The following R3HDM4 variants were observed in gnomAD, a reference collection of about 807,000 sequenced individuals.
R3HDM4 encodes R3H domain-containing protein 4.
R3HDM4 carries 30 observed loss-of-function variants against 31.3 expected under a neutral mutation model. That is an observed-to-expected ratio of 0.96 (90% CI 0.72 to 1.30). The LOEUF (loss-of-function observed/expected upper bound fraction) is 1.30. R3HDM4 is among the 50% of genes most tolerant of loss of function. The probability of loss-of-function intolerance (pLI) is 0.00; values close to 1 mark genes in which losing one functional copy is unlikely to be tolerated. For missense variants in R3HDM4, 444 were observed against 366.1 expected (o/e 1.21, Z -1.74); for synonymous variants, 196 against 156.6 (o/e 1.25, Z -1.88).
rs776329473 is a variant in R3HDM4, at chr19:900,066, G to A, written c.556C>T (p.Pro186Ser). ...CCCGGCAATCCCCCACTCACCATGG[G>A]GATGCGGCTGCGCTTGAGGACGGCT... ...LRAVLKRSRI[P>S]METLETWEER... Residue 186 changes from proline to serine, a missense_variant, in exon 5 of 8, where the codon CCC becomes TCC. Pro to Ser is a moderately conservative substitution (Grantham distance 74). Transcript: ENST00000361574. The A allele has an allele frequency of 6.2e-7, 1 of 1,611,872 alleles. No individual in the cohort carries two copies. The highest frequency in any genetic ancestry group is 1.1e-5 in the South Asian group (1 of 91,040).
chr19:911,485 ATAATTAG>A (rs1053736863), intron 1 of R3HDM4, among the ~76,000 whole-genome samples: 143 of 152,352 alleles, frequency 9.4e-4, no homozygotes, highest in African/African-American at 3.2e-3. Flanking sequence ...AACATTAACG[ATAATTAG>A]TAATGAGACA....
chr19:901,159 G>C, intron 3 of R3HDM4: 2 of 687,104 alleles, frequency 2.9e-6, no homozygotes, highest in South Asian at 2.0e-5. Flanking sequence ...CTCGGGGTGG[G>C]GGGGATTGAG....
In R3HDM4 at chr19:901,563, G is replaced by A. The variant is rs2036837730; in HGVS notation, c.227-17C>T. 6.3e-7 allele frequency: 1 copy of A among 1,593,632 alleles called. No individual in the cohort carries two copies. The highest frequency in any genetic ancestry group is 1.1e-5 in the South Asian group (1 of 90,624). ...GGTACTGGGCTAGGTGGAAACAGAT[G>A]CTCTCTGGGCCGGGGTGGCATTTGG... is the stretch of plus-strand genomic sequence containing the variant. On this transcript the variant is annotated splice_polypyrimidine_tract_variant and intron_variant, in intron 2 of 7. Coordinates refer to ENST00000361574, the MANE Select transcript of R3HDM4 (RefSeq NM_138774.4).
chr19:901,902 C>T (rs1568340723), intron 2 of R3HDM4, 74 bp downstream of exon 2: 13 of 1,565,114 alleles, frequency 8.3e-6, no homozygotes, highest in African/African-American at 1.4e-5. Context: ...GGAGGGGTAA[C>T]AGATAACACC....
intron 1 of R3HDM4, among the ~76,000 whole-genome samples, chr19:910,403 G>C (rs1043192198): frequency 7.9e-5 from 12 of 152,006 alleles, no homozygotes; most frequent in Non-Finnish European, 1.6e-4. Context: ...AGGATCGCCT[G>C]AGCCCGCAGG....
intron 1 of R3HDM4, among the ~76,000 whole-genome samples, chr19:908,843 T>C (rs552045868): frequency 6.6e-6 from 1 of 151,416 alleles, no homozygotes; most frequent in East Asian, 2.0e-4. Flanking sequence ...ACTTCTTTGC[T>C]CCTTAATCAC....
At chr19:898,229 AATAT>A (rs1555720572) in intron 7 of R3HDM4, among the ~76,000 whole-genome samples, 19 of 140,638 alleles carry the variant, frequency 1.4e-4, no homozygotes, top group Middle Eastern at 3.7e-3. Context: ...TAAAAAAAAA[AATAT>A]ATATATATAT....
chr19:900,781 C>T (rs750476318), intron 4 of R3HDM4, 48 bp downstream of exon 4: 3 of 1,121,630 alleles, frequency 2.7e-6, no homozygotes, highest in Non-Finnish European at 3.7e-6. Context: ...GGCCACGCCC[C>T]CATCCATACC....
At chr19:909,922 C>G (rs1280061015) in intron 1 of R3HDM4, among the ~76,000 whole-genome samples, 1 of 152,062 alleles carries the variant, frequency 6.6e-6, no homozygotes, top group Non-Finnish European at 1.5e-5. Context: ...CAGTGGCTCA[C>G]GCCTGTAATC....
chr19:901,982 C>T lies in R3HDM4; in HGVS notation c.220G>A (p.Glu74Lys), dbSNP rs756442813. 6.2e-7 allele frequency: 1 copy of T among 1,613,696 alleles called. No homozygotes were observed. The highest frequency in any genetic ancestry group is 8.5e-7 in the Non-Finnish European group (1 of 1,180,010). The change falls in exon 2 of 8, where the codon GAG becomes AAG. Residue 74 changes from glutamate to lysine, a missense_variant. Glu to Lys is a moderately conservative substitution (Grantham distance 56). Coordinates refer to ENST00000361574, the MANE Select transcript of R3HDM4 (RefSeq NM_138774.4). ...AKGRKSLQRL[E>K]NTQYLLTLLE... ...CCTCCCGACCCCTGCTCACTGTTCT[C>T]CAGGCGCTGGAGGCTCTTCCGCCCC...
chr19:897,570 G>GCA (rs1568338632), intron 7 of R3HDM4, 30 bp from the exon 8 acceptor site: 2 of 1,565,984 alleles, frequency 1.3e-6, no homozygotes, highest in Admixed American at 1.8e-5. Flanking sequence ...GGCAAGAACG[G>GCA]GAGGAATTTG....
At chr19:900,517 C>A (rs1006017764) in intron 4 of R3HDM4, among the ~76,000 whole-genome samples, 1 of 151,550 alleles carries the variant, frequency 6.6e-6, no homozygotes, top group Non-Finnish European at 1.5e-5. Context: ...CCTACCTACC[C>A]CATCCTGGCC....
rs961875884 is a variant in R3HDM4, at chr19:897,120, C to G, written c.*317G>C. The G allele has an allele frequency of 9.4e-6, 3 of 318,872 alleles. No homozygotes were observed. Among genetic ancestry groups the G allele is most frequent in the Non-Finnish European group, 1.7e-5 (3 of 174,968 alleles). The allele number at this position is 318,872 out of a possible 1,614,324, so 19.8% of individuals were successfully genotyped here. ...AAAAGTGATAAAAACCCAGCCTCCC[C>G]CTCCTCACTTGAGCTTCAGACCGGG... On this transcript the variant is annotated 3_prime_UTR_variant, in exon 8 of 8. Coordinates refer to ENST00000361574, the MANE Select transcript of R3HDM4 (RefSeq NM_138774.4).
At chr19:912,415 G>C (rs1438773809) in intron 1 of R3HDM4, among the ~76,000 whole-genome samples, 1 of 127,496 alleles carries the variant, frequency 7.8e-6, no homozygotes, top group South Asian at 2.8e-4. Context: ...AGAGAGTAGG[G>C]GCACGGACCA....
chr19:901,369 G>C, intron 3 of R3HDM4, 53 bp downstream of exon 3: 1 of 1,568,058 alleles, frequency 6.4e-7, no homozygotes, highest in Non-Finnish European at 8.6e-7. Context: ...CCTGGCCGTA[G>C]GAGAACTGCC....
rs940347713 is a variant in R3HDM4, at chr19:899,908, C to T, written c.561+153G>A. Reference sequence around the variant, plus strand: ...CTGCAGTGCCCGCCTTCGTTGCCCCCGCCCTCCTACTCAGGGCCCTGGTGC... The same window carrying T: ...CTGCAGTGCCCGCCTTCGTTGCCCCTGCCCTCCTACTCAGGGCCCTGGTGC... On this transcript the variant is annotated intron_variant, in intron 5 of 7. Transcript: ENST00000361574. The surrounding 1 kb of genome is among the most constrained non-coding windows in gnomAD (Gnocchi z 6.8). Among the ~76,000 whole-genome samples, 4 of 152,162 alleles carry T rather than the reference C, an allele frequency of 2.6e-5. No individual in the cohort carries two copies. The highest frequency in any genetic ancestry group is 5.9e-5 in the Non-Finnish European group (4 of 68,020).
rs762994631 is a variant in R3HDM4 at position 899,541 on chromosome 19, G to C, written c.648-46C>G. 1.9e-6 allele frequency: 3 copies of C among 1,612,326 alleles called. No homozygotes were observed. In the African/African-American group the frequency reaches 4.0e-5, roughly 22 times the overall value. ...GCGCCGTGCAGGGGCTGCAGCGTGG[G>C]GTGTCCGCCCACCTGGCCGCAGCCT... On this transcript the variant is annotated intron_variant, in intron 6 of 7. Transcript: ENST00000361574. This position sits in a 1 kb window ranked among gnomAD's most constrained non-coding sequence, Gnocchi z 6.8.
At chr19:904,602 G>A (rs1195156341) in intron 1 of R3HDM4, among the ~76,000 whole-genome samples, 1 of 152,070 alleles carries the variant, frequency 6.6e-6, no homozygotes, top group Non-Finnish European at 1.5e-5. Flanking sequence ...GGGAAGGTGA[G>A]GAGGAAGGAC....
Position 906,590 on chromosome 19 carries a change from C to T in R3HDM4, c.72-4460G>A, listed in dbSNP as rs560061611. Among the ~76,000 whole-genome samples, 20 of 152,192 alleles carry T rather than the reference C, an allele frequency of 1.3e-4. No homozygotes were observed. The East Asian group carries it at 3.9e-3, about 29-fold the overall frequency. On this transcript the variant is annotated intron_variant, in intron 1 of 7. Coordinates refer to ENST00000361574, the MANE Select transcript of R3HDM4 (RefSeq NM_138774.4). ...GTTGGTTTGGGAGGGGTACTCAGAGCCAAAAGGGCCTGGGATGAATTCCCC... is the reference window on the plus strand; with the variant it reads ...GTTGGTTTGGGAGGGGTACTCAGAGTCAAAAGGGCCTGGGATGAATTCCCC...
Sources: gnomAD v4.1 joint callset for allele counts (sites outside exome capture counted in the v4.1 genomes callset) on GRCh38, gnomAD v4.1.1 for gene constraint, Gnocchi (gnomAD v3.1) non-coding constraint, MANE v1.5 for transcripts, NCBI Gene and HGNC (gene_info 2026-07-23, HGNC 2026-07-21) for gene names.